The following KCNH1 variants were observed in gnomAD, a reference collection of about 807,000 sequenced individuals.
KCNH1 encodes the protein voltage-gated delayed rectifier potassium channel KCNH1.
Under a neutral mutation model 69.2 loss-of-function variants are expected in KCNH1, and 27 were observed. The observed-to-expected ratio is 0.39, with a 90% CI of 0.29 to 0.54. The LOEUF is 0.54. Among genes scored for constraint, KCNH1 ranks in the 20% least tolerant of loss-of-function variants. The probability of loss-of-function intolerance (pLI) is 0.68; values close to 1 mark genes in which losing one functional copy is unlikely to be tolerated. For synonymous variants in KCNH1, 456 were observed against 487.7 expected (o/e 0.93, Z 0.86); for missense variants, 798 against 1,261.6 (o/e 0.63, Z 5.57).
intron 9 of KCNH1, among the ~76,000 whole-genome samples, chr1:210,796,047 C>T (rs556960180): frequency 1.1e-3 from 162 of 150,700 alleles, no homozygotes; most frequent in African/African-American, 3.7e-3. Flanking sequence ...CCCAGCTACT[C>T]GGGAGGCTGA....
intron 1 of KCNH1, among the ~76,000 whole-genome samples, chr1:211,129,446 G>A (rs1691839023): frequency 1.3e-5 from 2 of 152,188 alleles, no homozygotes; most frequent in African/African-American, 2.4e-5. Context: ...TAAATGGGTT[G>A]CATAAAAGTC....
At chr1:211,009,084 G>A (rs1287537834) in intron 6 of KCNH1, among the ~76,000 whole-genome samples, 2 of 152,194 alleles carry the variant, frequency 1.3e-5, no homozygotes, top group East Asian at 3.8e-4. Flanking sequence ...ACCTGAAACA[G>A]AATAAGGCAG....
In KCNH1 at chr1:210,859,594, T is replaced by A; in HGVS notation, c.1463-55428A>T. ...ATCATCTTCATCACTCCCCAGTTCC[T>A]CGGTTTCATCATCATATTCAGCTTC... On this transcript the variant is annotated intron_variant, in intron 7 of 10. Coordinates refer to ENST00000271751, the MANE Select transcript of KCNH1 (RefSeq NM_172362.3). The A allele has an allele frequency of 2.0e-6, 3 of 1,492,084 alleles. No homozygotes were observed. The East Asian group carries it at 6.8e-5, about 34-fold the overall frequency. 92.4% of individuals were successfully genotyped at this position (1,492,084 alleles called of 1,614,324 possible). A position where few individuals can be genotyped will look rare whatever the true frequency, so the allele number is the denominator to read the frequency against.
chr1:210,951,983 C>T (rs1375870287), intron 6 of KCNH1, among the ~76,000 whole-genome samples: 1 of 152,154 alleles, frequency 6.6e-6, no homozygotes, highest in East Asian at 1.9e-4. Context: ...CTTGTAGCCA[C>T]TCTTTGTCAC....
chr1:211,046,556 C>A (rs935272823), intron 5 of KCNH1, among the ~76,000 whole-genome samples: 20 of 152,194 alleles, frequency 1.3e-4, no homozygotes, highest in African/African-American at 4.1e-4. Flanking sequence ...ATTATCATTC[C>A]TATTTTATAA....
intron 10 of KCNH1, among the ~76,000 whole-genome samples, chr1:210,760,990 C>T (rs955030128): frequency 2.9e-4 from 44 of 152,154 alleles, no homozygotes; most frequent in Admixed American, 8.5e-4. Flanking sequence ...CGGTGGCTCA[C>T]GCCTGTAATC....
chr1:211,024,433 C>T (rs1354548807), intron 5 of KCNH1, among the ~76,000 whole-genome samples: 1 of 152,030 alleles, frequency 6.6e-6, no homozygotes, highest in Admixed American at 6.6e-5. Context: ...AGAAAGAAGT[C>T]CAATGTGGCT....
intron 6 of KCNH1, among the ~76,000 whole-genome samples, chr1:210,939,784 C>A (rs546891747): frequency 1.1e-3 from 170 of 152,342 alleles, no homozygotes; most frequent in Non-Finnish European, 2.0e-3. Context: ...CCCAGATCAA[C>A]TGACTCCCAA....
intron 10 of KCNH1, among the ~76,000 whole-genome samples, chr1:210,686,977 A>C (rs778100282): frequency 1.3e-5 from 2 of 152,216 alleles, no homozygotes; most frequent in Non-Finnish European, 2.9e-5. Context: ...TAGAACACAT[A>C]AATATTGGCT....
chr1:210,771,253 C>T (rs1260966862), intron 10 of KCNH1, among the ~76,000 whole-genome samples: 3 of 152,212 alleles, frequency 2.0e-5, no homozygotes, highest in African/African-American at 7.2e-5. Flanking sequence ...CCACCTCCCT[C>T]AGAAGAAACA....
At chr1:210,882,457 A>G (rs1267073573) in intron 7 of KCNH1, among the ~76,000 whole-genome samples, 1 of 152,300 alleles carries the variant, frequency 6.6e-6, no homozygotes, top group East Asian at 1.9e-4. Flanking sequence ...ATTGTATAAC[A>G]TCTAAACTCA....
intron 10 of KCNH1, among the ~76,000 whole-genome samples, chr1:210,743,771 C>T (rs1301034874): frequency 1.3e-5 from 2 of 152,180 alleles, no homozygotes; most frequent in African/African-American, 4.8e-5. Flanking sequence ...TCATTGACCC[C>T]CAAAATATCA....
chr1:210,943,595 G>A (rs996999910), intron 6 of KCNH1, among the ~76,000 whole-genome samples: 4 of 151,944 alleles, frequency 2.6e-5, no homozygotes, highest in African/African-American at 7.3e-5. Flanking sequence ...CTTCTGATCT[G>A]ACCACCTCGG....
chr1:210,867,944 T>C (rs568899934), intron 7 of KCNH1, among the ~76,000 whole-genome samples: 2 of 152,150 alleles, frequency 1.3e-5, no homozygotes, highest in African/African-American at 2.4e-5. Flanking sequence ...TTGATATTTT[T>C]CCCTCATTTT....
At chr1:210,791,452 T>C (rs1324727826) in intron 9 of KCNH1, among the ~76,000 whole-genome samples, 1 of 152,194 alleles carries the variant, frequency 6.6e-6, no homozygotes, top group East Asian at 1.9e-4. Context: ...ACTGGCCTCA[T>C]GGAAAGGTTG....
chr1:211,068,793 G>C (rs1402564921), intron 5 of KCNH1, among the ~76,000 whole-genome samples: 1 of 152,168 alleles, frequency 6.6e-6, no homozygotes, highest in Non-Finnish European at 1.5e-5. Flanking sequence ...ATCACAACTG[G>C]CCCGAGCAGA....
chr1:210,715,753 G>C (rs745998319), intron 10 of KCNH1, among the ~76,000 whole-genome samples: 7 of 152,128 alleles, frequency 4.6e-5, no homozygotes, highest in Non-Finnish European at 1.0e-4. Context: ...ACCCACGTGT[G>C]ACCTTCTGTG....
chr1:211,018,989 G>A lies in KCNH1; in HGVS notation c.826C>T (p.Pro276Ser). 2 of 1,613,990 alleles carry A rather than the reference G, an allele frequency of 1.2e-6. No homozygotes were observed. The highest frequency in any genetic ancestry group is 1.7e-6 in the Non-Finnish European group (2 of 1,179,976). Reference protein sequence around the residue: ...VLNFHTTFVGPAGEVISDPKL... With the variant: ...VLNFHTTFVGSAGEVISDPKL... ...GGGTCAGAAATCACCTCCCCTGCTG[G>A]TCCAACAAAGGTGGTATGAAAATTG... The change falls in exon 6 of 11, where the codon CCA becomes TCA. Residue 276 changes from proline to serine, a missense_variant. Physicochemically the swap from Pro to Ser is moderately conservative, Grantham distance 74. Transcript: ENST00000271751.
At chr1:210,714,790 G>C (rs1313231361) in intron 10 of KCNH1, among the ~76,000 whole-genome samples, 1 of 152,010 alleles carries the variant, frequency 6.6e-6, no homozygotes, top group Non-Finnish European at 1.5e-5. Context: ...TCTCTCTAGG[G>C]GCATCTTCTC....
Sources: allele counts gnomAD v4.1 joint callset (sites outside exome capture counted in the v4.1 genomes callset), GRCh38; gene constraint gnomAD v4.1.1; transcripts MANE v1.5; gene names NCBI Gene and HGNC (gene_info 2026-07-23, HGNC 2026-07-21).